Variants in HOATZ observed in about 807,000 individuals in gnomAD.
The protein encoded by HOATZ is cilia- and flagella-associated protein HOATZ.
In HOATZ, 26 loss-of-function variants were observed where a neutral mutation model predicts 24.9. The observed-to-expected ratio is 1.04, with a 90% CI of 0.76 to 1.45. HOATZ has a LOEUF of 1.45. HOATZ is among the 40% of genes most tolerant of loss of function. The probability of loss-of-function intolerance (pLI) is 0.00; values close to 1 mark genes in which losing one functional copy is unlikely to be tolerated. For synonymous variants in HOATZ, 83 were observed against 76.6 expected, an observed-to-expected ratio of 1.08 and a Z score of -0.43; for missense variants, 226 against 201.5, an observed-to-expected ratio of 1.12 and a Z score of -0.74.
At chr11:111,533,463 C>T (rs977387010) in intron 3 of HOATZ, among the ~76,000 whole-genome samples, 3 of 151,378 alleles carry the variant, frequency 2.0e-5, no homozygotes, top group Admixed American at 6.6e-5. Flanking sequence ...TTATTAGGTG[C>T]GGAAATAACC....
At chr11:111,532,853 G>A (rs182558536) in intron 3 of HOATZ, among the ~76,000 whole-genome samples, 4 of 152,214 alleles carry the variant, frequency 2.6e-5, no homozygotes, top group African/African-American at 7.2e-5. Flanking sequence ...CTGGCCATTT[G>A]AAGTTACAAG....
Position 111,534,399 on chromosome 11 carries a change from T to G in HOATZ, c.400-13T>G. On this transcript the variant is annotated splice_polypyrimidine_tract_variant and intron_variant, in intron 4 of 5. Transcript: ENST00000375618. ...AATTTTACCTTTTTGATTTTTATTT[T>G]GTTTTGTTTCAGAAAGAACTGATTT... is the stretch of plus-strand genomic sequence containing the variant. The G allele has an allele frequency of 6.3e-7, 1 of 1,599,476 alleles. No individual in the cohort carries two copies. The highest frequency in any genetic ancestry group is 8.6e-7 in the Non-Finnish European group (1 of 1,167,684).
intron 3 of HOATZ, chr11:111,524,929 A>G (rs1402889513): frequency 9.1e-6 from 4 of 439,958 alleles, no homozygotes; most frequent in Non-Finnish European, 1.8e-5. Context: ...TGGCATGATC[A>G]TGGCTCACTG....
chr11:111,534,599 G>A (rs1591559311), intron 5 of HOATZ, 135 bp downstream of exon 5: 3 of 728,126 alleles, frequency 4.1e-6, no homozygotes, highest in Non-Finnish European at 7.3e-6. Flanking sequence ...TTCTTGCCTT[G>A]AATAAACTTT....
At chr11:111,532,679 T>A (rs1867405783) in intron 3 of HOATZ, among the ~76,000 whole-genome samples, 1 of 152,354 alleles carries the variant, frequency 6.6e-6, no homozygotes, top group Non-Finnish European at 1.5e-5. Context: ...AATATTGTTT[T>A]AAGCCACGCA....
intron 3 of HOATZ, chr11:111,524,894 C>T (rs943681854): frequency 2.2e-6 from 1 of 447,740 alleles, no homozygotes; most frequent in South Asian, 1.6e-5. Context: ...CAAGGTCTCA[C>T]TCTGTCACCC....
chr11:111,528,645 C>T (rs1035532328), intron 3 of HOATZ, among the ~76,000 whole-genome samples: 20 of 152,194 alleles, frequency 1.3e-4, no homozygotes, highest in Middle Eastern at 3.2e-3. Context: ...CAAGGCTGAG[C>T]TCAAGCTGGA....
chr11:111,516,036 C>A lies in HOATZ; in HGVS notation c.269-4C>A, dbSNP rs191558518. ...CAGATTGAATTTGACTTTATTCCCT[C>A]TAGAAAATAGAGACATCTTTGCCGA... On this transcript the variant is annotated splice_polypyrimidine_tract_variant and splice_region_variant and intron_variant, in intron 2 of 5. Coordinates refer to ENST00000375618, the MANE Select transcript of HOATZ (RefSeq NM_001100388.2). 333 of 1,550,696 alleles carry A rather than the reference C, an allele frequency of 2.1e-4. 2 individuals are homozygous for A. The East Asian group carries it at 7.2e-3, about 33-fold the overall frequency.
In HOATZ at chr11:111,536,802, A is replaced by C; in HGVS notation, c.485A>C (p.Gln162Pro). The C allele has an allele frequency of 6.2e-7, 1 of 1,613,874 alleles. No individual in the cohort carries two copies. Among genetic ancestry groups the C allele is most frequent in the Non-Finnish European group, 8.5e-7 (1 of 1,179,816 alleles). Residue 162 changes from glutamine to proline, a missense_variant, in exon 6 of 6, where the codon CAA becomes CCA. Gln to Pro is a moderately conservative substitution (Grantham distance 76). Coordinates refer to ENST00000375618, the MANE Select transcript of HOATZ (RefSeq NM_001100388.2). ...GTATCAGAGTCAGATAAAGAGGACC[A>C]AGAAGAAGTCAAAACTTTGGACTAA... Reference protein sequence around the residue: ...KVVSESDKEDQEEVKTLD With the variant: ...KVVSESDKEDPEEVKTLD
At chr11:111,515,043 T>C in intron 1 of HOATZ, 33 bp downstream of exon 1, 1 of 1,524,910 alleles carries the variant, frequency 6.6e-7, no homozygotes. Context: ...GTCAGTCATA[T>C]CTGCCTCACC....
At chr11:111,534,309 ACT>A (rs2135782828) in intron 4 of HOATZ, 101 bp from the exon 5 acceptor site, 1 of 805,610 alleles carries the variant, frequency 1.2e-6, no homozygotes, top group African/African-American at 1.7e-5. Flanking sequence ...GTCTTTATAA[ACT>A]CTGTGATGAT....
At position 111,525,045 on chromosome 11, in the gene HOATZ, A is replaced by AT. The variant is rs1376883385; in HGVS notation, c.340-8695dup. The AT allele has an allele frequency of 2.2e-5, 7 of 320,980 alleles. No homozygotes were observed. The East Asian group carries it at 2.9e-4, about 13-fold the overall frequency. The allele number at this position is 320,980 out of a possible 1,614,324, so 19.9% of individuals were successfully genotyped here. On this transcript the variant is annotated intron_variant, in intron 3 of 5. Transcript: ENST00000375618. ...CATCACATCCAGCTACATTTTTTGT[A>AT]TTTTTTGTAGAGGCAGGGTTTTGCC... is the stretch of plus-strand genomic sequence containing the variant.
chr11:111,517,765 G>A (rs1396629447), intron 3 of HOATZ, among the ~76,000 whole-genome samples: 4 of 152,136 alleles, frequency 2.6e-5, no homozygotes, highest in African/African-American at 9.7e-5. Context: ...GCTTCCCAAA[G>A]GTGCTGGGTT....
chr11:111,516,017 G>A (rs778848340), intron 2 of HOATZ, 23 bp from the exon 3 acceptor site: 2 of 1,422,848 alleles, frequency 1.4e-6, no homozygotes, highest in Non-Finnish European at 1.9e-6. Context: ...ATTTCAGATT[G>A]AATTTGACTT....
chr11:111,530,512 G>C (rs1433914493), intron 3 of HOATZ, among the ~76,000 whole-genome samples: 1 of 151,988 alleles, frequency 6.6e-6, no homozygotes, highest in Admixed American at 6.5e-5. Flanking sequence ...TAATTTTCTG[G>C]AATCAGTTTT....
intron 5 of HOATZ, 65 bp from the exon 6 acceptor site, chr11:111,536,705 T>G (rs1867454207): frequency 1.5e-5 from 19 of 1,302,274 alleles, no homozygotes; most frequent in Non-Finnish European, 2.0e-5. Context: ...GTTGTTTTCA[T>G]GCTACATCAT....
chr11:111,523,700 T>C (rs1389031455), intron 3 of HOATZ, among the ~76,000 whole-genome samples: 3 of 152,216 alleles, frequency 2.0e-5, no homozygotes, highest in Non-Finnish European at 4.4e-5. Flanking sequence ...TTTGAACCAC[T>C]TGTAGTTCCA....
Position 111,514,778 on chromosome 11 carries a change from A to G in HOATZ, c.-7A>G. 1 of 1,611,620 alleles carries G rather than the reference A, an allele frequency of 6.2e-7. No individual in the cohort carries two copies. Among genetic ancestry groups the G allele is most frequent in the Non-Finnish European group, 8.5e-7 (1 of 1,178,710 alleles). On this transcript the variant is annotated 5_prime_UTR_variant, in exon 1 of 6. Transcript: ENST00000375618. ...AGAGGACGCTTGCAGAAGCGTCCTC[A>G]GTTGCCATGGAAACGGGACCCAGCG...
chr11:111,534,139 C>T (rs1867423146), intron 4 of HOATZ, among the ~76,000 whole-genome samples: 1 of 152,068 alleles, frequency 6.6e-6, no homozygotes, highest in Non-Finnish European at 1.5e-5. Context: ...CTAGATCATA[C>T]AAAAATAAAT....
Sources: allele counts gnomAD v4.1 joint callset (sites outside exome capture counted in the v4.1 genomes callset), GRCh38; gene constraint gnomAD v4.1.1; transcripts MANE v1.5; gene names NCBI Gene and HGNC (gene_info 2026-07-23, HGNC 2026-07-21).